Variants in TTI1 observed in about 807,000 individuals in gnomAD.
TTI1 encodes the protein TELO2 interacting protein 1.
A neutral mutation model predicts 85.4 loss-of-function variants in TTI1; 52 were observed. The ratio of observed to expected loss-of-function variants is 0.61; its 90% CI spans 0.49 to 0.77. The LOEUF (loss-of-function observed/expected upper bound fraction) is 0.77, where lower values mean the gene tolerates loss of function less well. TTI1 is among the 30% of genes least tolerant of loss of function. The pLI is 0.00. For synonymous variants in TTI1, 512 were observed against 503.9 expected (o/e 1.02, Z -0.22); for missense variants, 1,173 against 1,296.0 (o/e 0.91, Z 1.46).
Position 38,012,594 on chromosome 20 carries a change from A to T in TTI1, c.1223T>A (p.Leu408Gln). The change falls in exon 2 of 8, where the codon CTG (leucine) becomes CAG (glutamine). Residue 408 changes from leucine to glutamine, a missense_variant. Coordinates refer to ENST00000373447, the MANE Select transcript of TTI1 (RefSeq NM_001303457.2). ...FSTLSLLLGY[L>Q]KLLGPKINFV... is the part of the protein sequence containing the mutation. The stretch of plus-strand genomic sequence containing the variant: ...GTTTATTTTTGGGCCCAAGAGTTTC[A>T]GATAACCAAGTAACAAGGAAAGAGT... The T allele has an allele frequency of 6.2e-7, 1 of 1,614,220 alleles. No homozygotes were observed. The highest frequency in any genetic ancestry group is 8.5e-7 in the Non-Finnish European group (1 of 1,180,038).
At chr20:38,007,476 A>G (rs1267879718) in intron 2 of TTI1, among the ~76,000 whole-genome samples, 1 of 152,148 alleles carries the variant, frequency 6.6e-6, no homozygotes, top group African/African-American at 2.4e-5. Context: ...GGCTACAGGC[A>G]TGGGTTCCAG....
chr20:37,989,230 T>C (rs1331418402), intron 7 of TTI1, among the ~76,000 whole-genome samples: 3 of 152,222 alleles, frequency 2.0e-5, no homozygotes, highest in Non-Finnish European at 4.4e-5. Flanking sequence ...CTTAACTATG[T>C]TTACCTGTTC....
chr20:38,029,362 G>C (rs536386648), intron 1 of TTI1, among the ~76,000 whole-genome samples: 3 of 151,814 alleles, frequency 2.0e-5, no homozygotes, highest in African/African-American at 7.3e-5. Flanking sequence ...AAGGGGAAAA[G>C]TCTCAAACGA....
At chr20:37,984,443 C>G (rs1163478865) in intron 7 of TTI1, among the ~76,000 whole-genome samples, 2 of 152,236 alleles carry the variant, frequency 1.3e-5, no homozygotes, top group East Asian at 3.9e-4. Flanking sequence ...GGTCACAACT[C>G]TTGCCTCTTA....
rs1215183136 is a variant in TTI1, at chr20:38,011,710, A to C, written c.2107T>G (p.Ser703Ala). Residue 703 changes from serine to alanine, a missense_variant, in exon 2 of 8, where the codon TCT becomes GCT. Transcript: ENST00000373447. The part of the protein sequence containing the change: ...QNSDYLVNGI[S>A]LNLRHLALHP... ...AGAGCCAGATGACGCAGATTTAAAGAGATCCCATTCACTAAATAGTCTGAA... is the reference window on the plus strand; with the variant it reads ...AGAGCCAGATGACGCAGATTTAAAGCGATCCCATTCACTAAATAGTCTGAA... 6.2e-7 allele frequency: 1 copy of C among 1,614,220 alleles called. No individual in the cohort carries two copies. Among genetic ancestry groups the C allele is most frequent in the East Asian group, 2.2e-5 (1 of 44,886 alleles).
rs1284593752 is a variant in TTI1 at position 38,002,681 on chromosome 20, T to C, written c.2599A>G (p.Met867Val). 3 of 1,614,112 alleles carry C rather than the reference T, an allele frequency of 1.9e-6. No homozygotes were observed. Among genetic ancestry groups the C allele is most frequent in the Admixed American group, 3.3e-5 (2 of 60,016 alleles). Residue 867 changes from methionine (M) to valine (V), a missense_variant, in exon 4 of 8, where the codon ATG (methionine) becomes GTG (valine). Coordinates refer to ENST00000373447, the MANE Select transcript of TTI1 (RefSeq NM_001303457.2). ...PLQIQIAMDV[M>V]ERCIHLLSDK... ...GACAACAAGTGGATGCAGCGTTCCA[T>C]CACGTCCATGGCTATTTGGATCTGC...
chr20:37,995,627 G>C (rs370298320), intron 7 of TTI1, among the ~76,000 whole-genome samples: 5 of 152,376 alleles, frequency 3.3e-5, no homozygotes, highest in African/African-American at 1.2e-4. Context: ...GGAAAGCTTG[G>C]AGAAGAGGGG....
At chr20:38,010,221 C>T (rs970360295) in intron 2 of TTI1, among the ~76,000 whole-genome samples, 3 of 152,216 alleles carry the variant, frequency 2.0e-5, no homozygotes, top group African/African-American at 2.4e-5. Context: ...AGTGCACTGT[C>T]CCTGCCCCAG....
intron 1 of TTI1, among the ~76,000 whole-genome samples, chr20:38,020,714 A>G (rs2073758746): frequency 6.6e-6 from 1 of 152,216 alleles, no homozygotes; most frequent in Admixed American, 6.5e-5. Context: ...ATCACAAAAA[A>G]GGATAGCCAA....
At chr20:37,993,766 T>A (rs1025766674) in intron 7 of TTI1, among the ~76,000 whole-genome samples, 3 of 152,218 alleles carry the variant, frequency 2.0e-5, no homozygotes, top group Admixed American at 2.0e-4. Flanking sequence ...TACCTCTGGC[T>A]TTTCTGAATA....
intron 5 of TTI1, 80 bp from the exon 6 acceptor site, chr20:37,997,033 T>C: frequency 6.9e-7 from 1 of 1,457,542 alleles, no homozygotes; most frequent in African/African-American, 1.4e-5. Context: ...TAATTCGATT[T>C]CATCTAGGTC....
In TTI1 at chr20:38,011,646, C is replaced by G; in HGVS notation, c.2171G>C (p.Arg724Pro). Residue 724 changes from arginine (R) to proline (P), a missense_variant, in exon 2 of 8, where the codon CGG (arginine) becomes CCG (proline). Transcript: ENST00000373447. ...HTPKVLEVMLRNSDANLLPLV... is the reference protein window; with the variant it reads ...HTPKVLEVMLPNSDANLLPLV... ...AGGAAGCAGGTTAGCATCTGAGTTC[C>G]GCAGCATGACTTCCAGGACCTTTGG... 1 of 1,614,218 alleles carries G rather than the reference C, an allele frequency of 6.2e-7. No individual in the cohort carries two copies. The highest frequency in any genetic ancestry group is 2.2e-5 in the East Asian group (1 of 44,886).
At chr20:38,030,915 G>T (rs765500774) in intron 1 of TTI1, among the ~76,000 whole-genome samples, 4 of 152,190 alleles carry the variant, frequency 2.6e-5, no homozygotes, top group African/African-American at 7.2e-5. Context: ...ACTCTTTTCT[G>T]TAATTCAGTA....
At chr20:38,015,502 T>A (rs375749252) in intron 1 of TTI1, among the ~76,000 whole-genome samples, 2 of 152,030 alleles carry the variant, frequency 1.3e-5, no homozygotes, top group Admixed American at 6.5e-5. Context: ...GAGATACTGG[T>A]AGTTGGATCA....
At chr20:38,025,477 G>A (rs2073824651) in intron 1 of TTI1, among the ~76,000 whole-genome samples, 1 of 151,982 alleles carries the variant, frequency 6.6e-6, no homozygotes, top group Admixed American at 6.5e-5. Flanking sequence ...GCTGAGGCAG[G>A]AGAATCACTT....
intron 2 of TTI1, among the ~76,000 whole-genome samples, chr20:38,010,018 C>T (rs1264447711): frequency 6.6e-6 from 1 of 152,188 alleles, no homozygotes; most frequent in East Asian, 1.9e-4. Flanking sequence ...ACTTGTTTAT[C>T]ATCTCTCTTG....
At chr20:37,987,014 A>G (rs6022212) in intron 7 of TTI1, 197,210 of 369,076 alleles carry the variant, frequency 0.53, 56,526 homozygotes, top group African/African-American at 0.86. Context: ...AGCAAATGCC[A>G]TGCCATGCAA....
Position 38,006,185 on chromosome 20 carries a change from TAAAC to T in TTI1, c.2503+8_2503+11del. 6.2e-7 allele frequency: 1 copy of T among 1,613,752 alleles called. No individual in the cohort carries two copies. The highest frequency in any genetic ancestry group is 8.5e-7 in the Non-Finnish European group (1 of 1,179,770). On this transcript the variant is annotated splice_region_variant and intron_variant, in intron 3 of 7. Coordinates refer to ENST00000373447, the MANE Select transcript of TTI1 (RefSeq NM_001303457.2). ...AAAGAAAAAACCAGCTAAGCCAAAA[TAAAC>T]AAGTTACCTTCTTCATTATCAAAAT...
At chr20:38,007,204 A>G (rs1247948244) in intron 2 of TTI1, among the ~76,000 whole-genome samples, 1 of 152,274 alleles carries the variant, frequency 6.6e-6, no homozygotes, top group Non-Finnish European at 1.5e-5. Context: ...TATACCACTC[A>G]TTAGCAGAAT....
Sources: allele counts gnomAD v4.1 joint callset (sites outside exome capture counted in the v4.1 genomes callset), GRCh38; gene constraint gnomAD v4.1.1; transcripts MANE v1.5; gene names NCBI Gene and HGNC (gene_info 2026-07-23, HGNC 2026-07-21).